PCDHA7: variants seen among roughly 807,000 people sequenced by gnomAD.
PCDHA7 encodes protocadherin alpha-7.
In PCDHA7, 37 loss-of-function variants were observed where a neutral mutation model predicts 57.2. The observed-to-expected ratio is 0.65, with a 90% confidence interval of 0.50 to 0.85. PCDHA7 has a LOEUF of 0.85. Among genes scored for constraint, PCDHA7 ranks in the 40% least tolerant of loss-of-function variants. The pLI, the probability that PCDHA7 is intolerant of heterozygous loss-of-function variation, is 0.00. For missense variants in PCDHA7, 1,188 were observed against 1,241.8 expected, an observed-to-expected ratio of 0.96 and a Z score of 0.65; for synonymous variants, 553 against 558.8, an observed-to-expected ratio of 0.99 and a Z score of 0.15.
At chr5:140,852,683 T>C (rs2042437090) in intron 1 of PCDHA7, 5 of 971,736 alleles carry the variant, frequency 5.1e-6, no homozygotes, top group Non-Finnish European at 6.2e-6. Flanking sequence ...ACCTTGAATA[T>C]AGTCTTATAC....
chr5:140,961,694 G>A (rs1554225551), intron 1 of PCDHA7, among the ~76,000 whole-genome samples: 2 of 152,152 alleles, frequency 1.3e-5, no homozygotes, highest in Non-Finnish European at 2.9e-5. Flanking sequence ...GTAGTCCTTA[G>A]TATGAATGCC....
rs1012749061 is a variant in PCDHA7 at position 141,011,525 on chromosome 5, C to T, written c.*1588C>T. Reference sequence around the variant, plus strand: ...AAAAGTGGAGTAGTGTTTTTTTAACCATTGTTAATCAGCTTTTGTGTATGA... The same window carrying T: ...AAAAGTGGAGTAGTGTTTTTTTAACTATTGTTAATCAGCTTTTGTGTATGA... On this transcript the variant is annotated 3_prime_UTR_variant, in exon 4 of 4. Coordinates refer to ENST00000525929, the MANE Select transcript of PCDHA7 (RefSeq NM_018910.3). 11 of 153,568 alleles carry T rather than the reference C, an allele frequency of 7.2e-5. No individual in the cohort carries two copies. The Admixed American group carries it at 7.2e-4, about 10-fold the overall frequency. 9.5% of individuals were successfully genotyped at this position (153,568 alleles called of 1,614,324 possible).
intron 1 of PCDHA7, among the ~76,000 whole-genome samples, chr5:140,899,853 G>T (rs2067594174): frequency 6.6e-6 from 1 of 152,118 alleles, no homozygotes; most frequent in South Asian, 2.1e-4. Context: ...TGTCACCCAG[G>T]CTGGAGTGCA....
At chr5:140,971,884 C>A (rs1216931622) in intron 1 of PCDHA7, among the ~76,000 whole-genome samples, 1 of 151,602 alleles carries the variant, frequency 6.6e-6, no homozygotes, top group Admixed American at 6.6e-5. Flanking sequence ...AGGAAATAAG[C>A]TCAGGGAGGT....
At position 140,835,890 on chromosome 5, in the gene PCDHA7, G is replaced by A. The variant is rs147416989; in HGVS notation, c.1507G>A (p.Ala503Thr). The A allele has an allele frequency of 1.1e-5, 18 of 1,611,850 alleles. No individual in the cohort carries two copies. The highest frequency in any genetic ancestry group is 1.4e-5 in the Non-Finnish European group (17 of 1,179,640). Residue 503 changes from alanine (A) to threonine (T), a missense_variant, in exon 1 of 4, where the codon GCG becomes ACG. Ala to Thr is a moderately conservative substitution (Grantham distance 58, BLOSUM62 0). This residue lies in a region of PCDHA7 where 892 missense variants were observed against 788.5 expected (regional missense o/e 1.13). Transcript: ENST00000525929. ...GGTGGAGCTGCGGGTGGGCGAGCGCGCGCTGTCGAGCTACGTGTCAGTGCA... is the reference window on the plus strand; with the variant it reads ...GGTGGAGCTGCGGGTGGGCGAGCGCACGCTGTCGAGCTACGTGTCAGTGCA... Reference protein sequence around the residue: ...SLVELRVGERALSSYVSVHAE... With the variant: ...SLVELRVGERTLSSYVSVHAE...
intron 1 of PCDHA7, chr5:140,852,739 A>G: frequency 2.0e-6 from 2 of 984,418 alleles, no homozygotes. Flanking sequence ...TTCATGTGCC[A>G]TTTAAACTTG....
intron 3 of PCDHA7, among the ~76,000 whole-genome samples, chr5:140,983,265 T>C (rs553920702): frequency 6.6e-6 from 1 of 152,200 alleles, no homozygotes; most frequent in Non-Finnish European, 1.5e-5. Flanking sequence ...AAAAACCTAA[T>C]GGCTGGGTGA....
chr5:140,865,089 TA>T (rs1554159250), intron 1 of PCDHA7: 1 of 152,250 alleles, frequency 6.6e-6, no homozygotes, highest in Admixed American at 6.5e-5. Flanking sequence ...GGGATATTAA[TA>T]AAGGCACTTC....
intron 1 of PCDHA7, among the ~76,000 whole-genome samples, chr5:140,953,652 G>A (rs2094921965): frequency 6.6e-6 from 1 of 152,102 alleles, no homozygotes; most frequent in South Asian, 2.1e-4. Context: ...AGCTATAGTT[G>A]TTATCTCTGG....
In PCDHA7 at chr5:140,856,327, G is replaced by A; in HGVS notation, c.2355+19589G>A. On this transcript the variant is annotated intron_variant, in intron 1 of 3. Transcript: ENST00000525929. ...TGAATTCTCGGATTGACCGCGAGGAGCTGTGCGGGCGGAGCGTGGAGTGCA... is the reference window on the plus strand; with the variant it reads ...TGAATTCTCGGATTGACCGCGAGGAACTGTGCGGGCGGAGCGTGGAGTGCA... The A allele has an allele frequency of 1.4e-5, 22 of 1,598,708 alleles. 1 individual carries two copies. Among genetic ancestry groups the A allele is most frequent in the South Asian group, 3.3e-5 (3 of 90,534 alleles).
rs73793550 is a variant in PCDHA7 at position 140,989,564 on chromosome 5, C to T, written c.2503+7001C>T. On this transcript the variant is annotated intron_variant, in intron 3 of 3. Transcript: ENST00000525929. ...GTAATTCCTTTACGTTTTGTGGCTC[C>T]GGCAAGCCCTGTCCTCAGCCTCACT... is the stretch of plus-strand genomic sequence containing the variant. Among the ~76,000 whole-genome samples the T allele has an allele frequency of 6.0e-3, 907 of 152,216 alleles. 13 individuals carry two copies. Among genetic ancestry groups the T allele is most frequent in the African/African-American group, 0.021 (852 of 41,530 alleles).
chr5:140,857,661 A>T, intron 1 of PCDHA7: 1 of 1,596,582 alleles, frequency 6.3e-7, no homozygotes, highest in Non-Finnish European at 8.6e-7. Context: ...AGCGCGCGCG[A>T]TGGGGGCGTG....
intron 1 of PCDHA7, chr5:140,841,090 C>T: frequency 1.8e-6 from 1 of 559,860 alleles, no homozygotes; most frequent in East Asian, 3.0e-5. Flanking sequence ...CATAGAAGAA[C>T]CCAGATATTG....
intron 3 of PCDHA7, among the ~76,000 whole-genome samples, chr5:140,986,896 A>G (rs1221599593): frequency 2.6e-5 from 4 of 152,184 alleles, no homozygotes; most frequent in African/African-American, 4.8e-5. Context: ...CTTAGGCCCT[A>G]TCCTAGACTA....
At chr5:140,926,850 G>A (rs375350613) in intron 1 of PCDHA7, 3 of 1,517,570 alleles carry the variant, frequency 2.0e-6, no homozygotes, top group African/African-American at 2.8e-5. Flanking sequence ...CTGGGTCACC[G>A]TTGGTGTAGC....
intron 1 of PCDHA7, among the ~76,000 whole-genome samples, chr5:140,898,530 T>A (rs1256781089): frequency 6.6e-6 from 1 of 152,228 alleles, no homozygotes; most frequent in African/African-American, 2.4e-5. Flanking sequence ...GAGGGCTCTG[T>A]TCTGTTCCAT....
rs1554231844 is a variant in PCDHA7, at chr5:140,969,454, A to G, written c.2356-9495A>G. On this transcript the variant is annotated intron_variant, in intron 1 of 3. Coordinates refer to ENST00000525929, the MANE Select transcript of PCDHA7 (RefSeq NM_018910.3). ...AAGAGTTATCTGGTAAACTGAGTAT[A>G]TATAGTATCCACAATTTGATCATAA... 7.9e-6 allele frequency: 12 copies of G among 1,511,706 alleles called. No individual in the cohort carries two copies. The South Asian group carries it at 9.0e-5, about 11-fold the overall frequency. The allele number at this position is 1,511,706 out of a possible 1,614,324, so 93.6% of individuals were successfully genotyped here.
intron 1 of PCDHA7, chr5:140,868,892 A>G (rs1450985948): frequency 3.9e-6 from 3 of 760,982 alleles, no homozygotes; most frequent in Non-Finnish European, 4.1e-6. Context: ...TTTTAGGCGC[A>G]AGGTGTCGCT....
intron 1 of PCDHA7, among the ~76,000 whole-genome samples, chr5:140,901,055 A>G (rs1454535703): frequency 6.6e-6 from 1 of 152,088 alleles, no homozygotes; most frequent in African/African-American, 2.4e-5. Context: ...AAATTAGATT[A>G]TTAGATTTTT....
Sources: gnomAD v4.1 joint callset for allele counts (sites outside exome capture counted in the v4.1 genomes callset) on GRCh38, gnomAD v4.1.1 for gene constraint, gnomAD v4.1.1 regional missense constraint, MANE v1.5 for transcripts, NCBI Gene and HGNC (gene_info 2026-07-23, HGNC 2026-07-21) for gene names.